The following PFKP variants were observed in gnomAD, a reference collection of about 807,000 sequenced individuals.
PFKP encodes ATP-dependent 6-phosphofructokinase, platelet type.
PFKP carries 101 observed loss-of-function variants against 94.3 expected under a neutral mutation model. The ratio of observed to expected loss-of-function variants is 1.07; its 90% CI spans 0.91 to 1.26. The LOEUF is 1.26. Among genes scored for constraint, PFKP ranks in the 50% most tolerant of loss-of-function variants. The pLI, the probability that PFKP is intolerant of heterozygous loss-of-function variation, is 0.00. For missense variants in PFKP, 1,145 were observed against 1,103.3 expected (o/e 1.04, Z -0.53); for synonymous variants, 573 against 432.6 (o/e 1.32, Z -4.03).
intron 16 of PFKP, among the ~76,000 whole-genome samples, chr10:3,124,602 C>G (rs577060318): frequency 2.4e-4 from 37 of 152,340 alleles, no homozygotes; most frequent in African/African-American, 8.2e-4. Flanking sequence ...TGCCCCCTTC[C>G]CTGCCTGCAC....
At chr10:3,089,132 C>T (rs2131466522) in intron 2 of PFKP, among the ~76,000 whole-genome samples, 1 of 152,238 alleles carries the variant, frequency 6.6e-6, no homozygotes, top group Middle Eastern at 3.4e-3. Context: ...GGGGTTTCAC[C>T]ATGTTGGCCA....
At position 3,101,525 on chromosome 10, in the gene PFKP, G is replaced by C. The variant is rs770551877; in HGVS notation, c.425G>C (p.Ser142Thr). ...TGANLFRKEW[S>T]GLLEELARNG... ...GCCAACCTCTTCCGGAAGGAGTGGA[G>C]TGGGCTGCTGGAGGAGCTGGCCAGG... Residue 142 changes from serine to threonine, a missense_variant, in exon 4 of 22, where the codon AGT becomes ACT. By Grantham distance (58) the Ser-to-Thr change is moderately conservative. Around this residue, in one of 3 missense-constraint regions of PFKP, gnomAD observed 1,119 missense variants for 1,062.8 expected, o/e 1.05. Coordinates refer to ENST00000381125, the MANE Select transcript of PFKP (RefSeq NM_002627.5). 8.3e-6 allele frequency: 13 copies of C among 1,567,326 alleles called. No individual in the cohort carries two copies. Among genetic ancestry groups the C allele is most frequent in the Non-Finnish European group, 1.1e-5 (13 of 1,155,694 alleles).
At chr10:3,082,941 C>T (rs756746398) in intron 2 of PFKP, among the ~76,000 whole-genome samples, 1 of 152,092 alleles carries the variant, frequency 6.6e-6, no homozygotes, top group Non-Finnish European at 1.5e-5. Context: ...TGAGTCCTGT[C>T]CTCAAGCTAT....
chr10:3,074,486 G>A (rs980646566), intron 1 of PFKP, among the ~76,000 whole-genome samples: 1 of 152,202 alleles, frequency 6.6e-6, no homozygotes, highest in Admixed American at 6.5e-5. Flanking sequence ...TTTGTGGAGA[G>A]GAGAGGAGGG....
chr10:3,129,015 T>A (rs1041782728), intron 16 of PFKP: 1 of 152,192 alleles, frequency 6.6e-6, no homozygotes, highest in Non-Finnish European at 1.5e-5. Context: ...AAGAACTGGA[T>A]CAGATTTATG....
intron 15 of PFKP, 122 bp downstream of exon 15, chr10:3,118,991 G>A (rs776058571): frequency 3.0e-5 from 20 of 676,994 alleles, no homozygotes; most frequent in East Asian, 5.9e-5. Flanking sequence ...CAGACCCAGC[G>A]GCCACTGGAG....
chr10:3,134,540 A>C lies in PFKP; in HGVS notation c.2080A>C (p.Met694Leu), dbSNP rs1838996841. The change falls in exon 20 of 22, where the codon ATG becomes CTG. Residue 694 changes from methionine to leucine, a missense_variant. Physicochemically the swap from Met to Leu is conservative, Grantham distance 15. Coordinates refer to ENST00000381125, the MANE Select transcript of PFKP (RefSeq NM_002627.5). ...NFGTKISARA[M>L]EWITAKLKEA... ...TGGAACCAAAATCTCTGCCAGAGCT[A>C]TGGAGTGGATCACTGCAAAACTCAA... The C allele has an allele frequency of 1.2e-6, 2 of 1,614,092 alleles. No homozygotes were observed. The highest frequency in any genetic ancestry group is 1.7e-6 in the Non-Finnish European group (2 of 1,179,954).
chr10:3,121,329 A>G (rs7083162), intron 16 of PFKP, among the ~76,000 whole-genome samples: 78,071 of 151,992 alleles, frequency 0.51, 20,189 homozygotes, highest in South Asian at 0.6. Flanking sequence ...CTACCTTCGC[A>G]CTGTGAATGT....
chr10:3,067,748 A>C, intron 1 of PFKP, 41 bp downstream of exon 1: 1 of 1,125,500 alleles, frequency 8.9e-7, no homozygotes, highest in Non-Finnish European at 1.2e-6. Flanking sequence ...GGACGGACGG[A>C]CGGAGCTGGG....
intron 4 of PFKP, among the ~76,000 whole-genome samples, 198 bp downstream of exon 4, chr10:3,101,752 C>T (rs962559150): frequency 6.6e-6 from 1 of 152,212 alleles, no homozygotes; most frequent in African/African-American, 2.4e-5. Flanking sequence ...TTACCATGTG[C>T]CAGGCACCCT....
At chr10:3,088,070 T>C (rs1370820022) in intron 2 of PFKP, among the ~76,000 whole-genome samples, 6 of 147,798 alleles carry the variant, frequency 4.1e-5, no homozygotes, top group African/African-American at 1.5e-4. Flanking sequence ...TATGTATACA[T>C]GTGCCATGTT....
intron 2 of PFKP, among the ~76,000 whole-genome samples, chr10:3,082,996 C>A (rs11599643): frequency 0.46 from 69,432 of 152,020 alleles, 16,417 homozygotes; most frequent in Middle Eastern, 0.64. Context: ...CAGGTGTGAG[C>A]CACTGTGCCC....
intron 2 of PFKP, among the ~76,000 whole-genome samples, chr10:3,090,541 C>T (rs1159827297): frequency 6.6e-6 from 1 of 152,120 alleles, no homozygotes; most frequent in African/African-American, 2.4e-5. Flanking sequence ...TGGCTCTGCA[C>T]TGAAGAGGCT....
At chr10:3,110,780 A>G (rs1264089624) in intron 10 of PFKP, among the ~76,000 whole-genome samples, 2 of 151,962 alleles carry the variant, frequency 1.3e-5, no homozygotes, top group Non-Finnish European at 2.9e-5. Flanking sequence ...GTTTATGCAT[A>G]TATTTATGCA....
chr10:3,133,633 G>T (rs938059813), intron 19 of PFKP, among the ~76,000 whole-genome samples: 1 of 151,226 alleles, frequency 6.6e-6, no homozygotes, highest in South Asian at 2.1e-4. Flanking sequence ...GTTTCACCAC[G>T]TTGGCCAGGC....
intron 14 of PFKP, among the ~76,000 whole-genome samples, chr10:3,117,716 C>T (rs1187226504): frequency 5.3e-5 from 8 of 152,134 alleles, no homozygotes; most frequent in Admixed American, 6.5e-5. Context: ...ATGCATCCCT[C>T]GGTGTGCGTT....
chr10:3,132,562 C>G lies in PFKP; in HGVS notation c.1910+121C>G, dbSNP rs974425763. ...CTTTGCCGCTAGAGTGCACTACACA[C>G]ACTGAGCAGGTGCAGAAGACAGCTG... On this transcript the variant is annotated intron_variant, in intron 18 of 21. Coordinates refer to ENST00000381125, the MANE Select transcript of PFKP (RefSeq NM_002627.5). The G allele has an allele frequency of 5.7e-6, 4 of 697,706 alleles. No individual in the cohort carries two copies. In the East Asian group the frequency reaches 1.0e-4, roughly 18 times the overall value. 43.2% of individuals were successfully genotyped at this position (697,706 alleles called of 1,614,324 possible).
At chr10:3,103,006 A>G (rs1196661566) in intron 4 of PFKP, among the ~76,000 whole-genome samples, 2 of 152,196 alleles carry the variant, frequency 1.3e-5, no homozygotes, top group African/African-American at 2.4e-5. Flanking sequence ...CTTTATGCAG[A>G]ACTGCCCAGC....
At chr10:3,092,721 C>G (rs1004093600) in intron 2 of PFKP, among the ~76,000 whole-genome samples, 1 of 152,130 alleles carries the variant, frequency 6.6e-6, no homozygotes, top group East Asian at 1.9e-4. Flanking sequence ...CTGATAGAAA[C>G]CCTTCATTCT....
Sources: allele counts gnomAD v4.1 joint callset (sites outside exome capture counted in the v4.1 genomes callset), GRCh38; gene constraint gnomAD v4.1.1; regional missense constraint gnomAD v4.1.1; transcripts MANE v1.5; gene names NCBI Gene and HGNC (gene_info 2026-07-23, HGNC 2026-07-21).